The following KHDC1 variants were observed in gnomAD, a reference collection of about 807,000 sequenced individuals.
KHDC1 encodes KH homology domain-containing protein 1.
KHDC1 carries 21 observed loss-of-function variants against 24.7 expected under a neutral mutation model. The ratio of observed to expected loss-of-function variants is 0.85; its 90% CI spans 0.60 to 1.23. KHDC1 has a LOEUF of 1.23. Ranked by LOEUF, KHDC1 falls within the 50% of genes most tolerant of loss-of-function variation. The pLI, the probability that KHDC1 is intolerant of heterozygous loss-of-function variation, is 0.00. For synonymous variants in KHDC1, 98 were observed against 111.7 expected (o/e 0.88, Z 0.77); for missense variants, 274 against 298.5 (o/e 0.92, Z 0.61).
intron 2 of KHDC1, among the ~76,000 whole-genome samples, chr6:73,254,415 T>G (rs1014379515): frequency 6.6e-6 from 1 of 151,400 alleles, no homozygotes; most frequent in East Asian, 2.0e-4. Flanking sequence ...GAGCTGAGAC[T>G]GGGCCACTGC....
chr6:73,288,649 C>A (rs930994855), intron 2 of KHDC1, among the ~76,000 whole-genome samples: 1 of 151,826 alleles, frequency 6.6e-6, no homozygotes, highest in Non-Finnish European at 1.5e-5. Flanking sequence ...GAGCAGGGTG[C>A]AGTGGCACAC....
chr6:73,290,165 T>A (rs1241747122), intron 2 of KHDC1, among the ~76,000 whole-genome samples: 1 of 148,878 alleles, frequency 6.7e-6, no homozygotes, highest in East Asian at 2.0e-4. Flanking sequence ...TAGTCCCAGC[T>A]ACTCGGGAAG....
At chr6:73,257,480 C>T (rs961456024) in intron 2 of KHDC1, among the ~76,000 whole-genome samples, 3 of 152,158 alleles carry the variant, frequency 2.0e-5, no homozygotes, top group African/African-American at 7.2e-5. Context: ...CTCACTGCAA[C>T]CTCCGCCTCC....
intron 2 of KHDC1, among the ~76,000 whole-genome samples, chr6:73,249,006 G>A (rs1766728962): frequency 1.3e-5 from 2 of 151,682 alleles, no homozygotes; most frequent in Admixed American, 1.3e-4. Context: ...TGACACCAGT[G>A]TTAACAGGAC....
intron 2 of KHDC1, among the ~76,000 whole-genome samples, chr6:73,272,759 G>C (rs1767203208): frequency 6.6e-6 from 1 of 151,038 alleles, no homozygotes; most frequent in African/African-American, 2.4e-5. Context: ...CTGGGTGACA[G>C]AGCAAGACTC....
chr6:73,289,453 C>G (rs922698964), intron 2 of KHDC1, among the ~76,000 whole-genome samples: 2 of 146,962 alleles, frequency 1.4e-5, no homozygotes, highest in African/African-American at 5.0e-5. Context: ...AGTTCAAGAT[C>G]AGCCTGTCCA....
At chr6:73,281,793 C>T (rs1211485863) in intron 2 of KHDC1, among the ~76,000 whole-genome samples, 1 of 152,074 alleles carries the variant, frequency 6.6e-6, no homozygotes, top group Non-Finnish European at 1.5e-5. Context: ...CCCAGGAGCC[C>T]AAACAGTGTA....
chr6:73,245,497 G>A (rs758845798), intron 2 of KHDC1, among the ~76,000 whole-genome samples: 3 of 152,160 alleles, frequency 2.0e-5, no homozygotes, highest in Non-Finnish European at 4.4e-5. Context: ...GCAGAGTACA[G>A]GTTCAGGAAG....
rs149624147 is a variant in KHDC1 at position 73,280,396 on chromosome 6, C to G, written c.206+11602G>C. Reference sequence around the variant, plus strand: ...CAGGCTGGTCTCGAACTCCTGGGCTCAAGCAATCAGCCCACCTCAGCCTCC... The same window carrying G: ...CAGGCTGGTCTCGAACTCCTGGGCTGAAGCAATCAGCCCACCTCAGCCTCC... On this transcript the variant is annotated intron_variant, in intron 2 of 4. Transcript: ENST00000370384. Among the ~76,000 whole-genome samples, 531 of 151,626 alleles carry G rather than the reference C, an allele frequency of 3.5e-3. 4 individuals are homozygous for G. The highest frequency in any genetic ancestry group is 4.5e-3 in the Non-Finnish European group (302 of 67,832).
intron 1 of KHDC1, among the ~76,000 whole-genome samples, chr6:73,304,598 G>T (rs1399302317): frequency 2.0e-5 from 3 of 152,164 alleles, no homozygotes; most frequent in Non-Finnish European, 4.4e-5. Flanking sequence ...CACTGCGCCA[G>T]CCACTTTTGT....
chr6:73,270,309 G>A (rs1188144136), intron 2 of KHDC1: 4 of 151,984 alleles, frequency 2.6e-5, no homozygotes, highest in Admixed American at 1.3e-4. Flanking sequence ...TATTTAGTAC[G>A]CAGATAGGAC....
intron 2 of KHDC1, among the ~76,000 whole-genome samples, chr6:73,257,855 C>T (rs527386220): frequency 1.0e-3 from 155 of 152,248 alleles, no homozygotes; most frequent in Middle Eastern, 3.4e-3. Flanking sequence ...CACCTGTAAT[C>T]CCAGCATGCT....
At chr6:73,292,963 T>C in intron 1 of KHDC1, 3 of 915,194 alleles carry the variant, frequency 3.3e-6, no homozygotes, top group Non-Finnish European at 5.3e-6. Flanking sequence ...TCTTCATATT[T>C]GAGACTTTCT....
intron 2 of KHDC1, among the ~76,000 whole-genome samples, chr6:73,255,897 GT>G (rs1470581409): frequency 7.9e-6 from 1 of 126,402 alleles, no homozygotes; most frequent in Non-Finnish European, 1.6e-5. Flanking sequence ...GTGAGAACCT[GT>G]CTCAACAAAA....
intron 2 of KHDC1, among the ~76,000 whole-genome samples, chr6:73,243,088 T>A (rs1766604688): frequency 6.6e-6 from 1 of 152,150 alleles, no homozygotes; most frequent in Non-Finnish European, 1.5e-5. Context: ...AGCGGCCAGT[T>A]TTCTAAAATG....
intron 4 of KHDC1, 51 bp from the exon 4 acceptor site, chr6:73,241,779 C>A: frequency 6.3e-7 from 1 of 1,592,994 alleles, no homozygotes; most frequent in Non-Finnish European, 8.6e-7. Flanking sequence ...AACTGGGGCC[C>A]ATTGGCAGGC....
At chr6:73,274,843 C>T (rs1474951543) in intron 2 of KHDC1, 3 of 152,430 alleles carry the variant, frequency 2.0e-5, no homozygotes, top group South Asian at 2.1e-4. Flanking sequence ...AACACAGGTT[C>T]ATGCACCCTA....
intron 2 of KHDC1, among the ~76,000 whole-genome samples, chr6:73,273,194 GTC>G (rs529323448): frequency 4.8e-4 from 72 of 149,166 alleles, no homozygotes; most frequent in African/African-American, 1.8e-3. Context: ...TTGAGACGGA[GTC>G]TCTCTCTGTT....
chr6:73,298,651 AGG>A (rs1767807887), intron 1 of KHDC1, among the ~76,000 whole-genome samples: 1 of 151,668 alleles, frequency 6.6e-6, no homozygotes, highest in South Asian at 2.1e-4. Context: ...CGTCAGGGTC[AGG>A]ATCACCTGAC....
Sources: gnomAD v4.1 joint callset for allele counts (sites outside exome capture counted in the v4.1 genomes callset) on GRCh38, gnomAD v4.1.1 for gene constraint, MANE v1.5 for transcripts, NCBI Gene and HGNC (gene_info 2026-07-23, HGNC 2026-07-21) for gene names.